Variants in GNAQ observed in about 807,000 individuals in gnomAD.
The protein encoded by GNAQ is G protein subunit alpha q, also known as guanine nucleotide-binding protein G(q) subunit alpha.
GNAQ carries 8 observed loss-of-function variants against 43.9 expected under a neutral mutation model. The observed-to-expected ratio is 0.18, with a 90% CI of 0.11 to 0.33. GNAQ has a LOEUF of 0.33. Ranked by LOEUF, GNAQ falls within the 10% of genes least tolerant of loss-of-function variation. GNAQ has a pLI of 1.00. For missense variants in GNAQ, 158 were observed against 450.8 expected (o/e 0.35, Z 5.88); for synonymous variants, 155 against 170.7 (o/e 0.91, Z 0.71).
chr9:77,731,389 A>G (rs1485658248), intron 5 of GNAQ, among the ~76,000 whole-genome samples: 1 of 152,220 alleles, frequency 6.6e-6, no homozygotes, highest in Non-Finnish European at 1.5e-5. Context: ...GTACTGCTGC[A>G]CTGGGGCTGC....
intron 5 of GNAQ, among the ~76,000 whole-genome samples, chr9:77,759,035 AT>A (rs1825948614): frequency 6.6e-6 from 1 of 152,214 alleles, no homozygotes; most frequent in African/African-American, 2.4e-5. Context: ...TCAATAGAGT[AT>A]TCTTAGGATA....
At chr9:77,933,118 C>T (rs902913551) in intron 1 of GNAQ, among the ~76,000 whole-genome samples, 1 of 152,226 alleles carries the variant, frequency 6.6e-6, no homozygotes, top group Middle Eastern at 3.4e-3. Context: ...TTCACTGCAT[C>T]GACATGGAGA....
Position 77,905,557 on chromosome 9 carries a change from C to G in GNAQ, c.321+16604G>C, listed in dbSNP as rs138638693. On this transcript the variant is annotated intron_variant, in intron 2 of 6. Coordinates refer to ENST00000286548, the MANE Select transcript of GNAQ (RefSeq NM_002072.5). ...TGCAGTGGGGCTGTAATATTTTACACTGTCAGAAAACTGCATGAGATAACT... is the reference window on the plus strand; with the variant it reads ...TGCAGTGGGGCTGTAATATTTTACAGTGTCAGAAAACTGCATGAGATAACT... Among the ~76,000 whole-genome samples, 789 of 152,298 alleles carry G rather than the reference C, an allele frequency of 5.2e-3. 4 individuals carry two copies. The highest frequency in any genetic ancestry group is 8.4e-3 in the Non-Finnish European group (570 of 68,022).
At chr9:77,795,459 T>A (rs180973502) in intron 4 of GNAQ, among the ~76,000 whole-genome samples, 1 of 152,126 alleles carries the variant, frequency 6.6e-6, no homozygotes, top group Non-Finnish European at 1.5e-5. Flanking sequence ...AGGAAAAAAA[T>A]AGTCTCAGAG....
intron 1 of GNAQ, among the ~76,000 whole-genome samples, chr9:77,972,150 C>T (rs771626173): frequency 2.0e-5 from 3 of 150,354 alleles, no homozygotes; most frequent in Admixed American, 6.6e-5. Context: ...AAAATAATAA[C>T]AATTAAAATG....
At chr9:77,770,240 G>C (rs932174270) in intron 5 of GNAQ, among the ~76,000 whole-genome samples, 1 of 152,076 alleles carries the variant, frequency 6.6e-6, no homozygotes, top group East Asian at 1.9e-4. Context: ...GTGGATAAGA[G>C]GAGAAAGAAC....
chr9:77,978,036 C>T (rs1369166321), intron 1 of GNAQ, among the ~76,000 whole-genome samples: 1 of 152,140 alleles, frequency 6.6e-6, no homozygotes, highest in African/African-American at 2.4e-5. Flanking sequence ...CTTCCTTTTT[C>T]TTAAATTATA....
chr9:77,881,295 G>A (rs927843161), intron 2 of GNAQ, among the ~76,000 whole-genome samples: 9 of 152,248 alleles, frequency 5.9e-5, no homozygotes, highest in Admixed American at 3.9e-4. Flanking sequence ...GTTCACTGAC[G>A]TATCCCAAGC....
At chr9:77,785,683 G>C (rs1587915653) in intron 5 of GNAQ, among the ~76,000 whole-genome samples, 1 of 152,120 alleles carries the variant, frequency 6.6e-6, no homozygotes, top group African/African-American at 2.4e-5. Flanking sequence ...AATACTGTCA[G>C]TATCTGACAG....
chr9:77,926,540 C>G (rs1409226832), intron 1 of GNAQ, among the ~76,000 whole-genome samples: 1 of 152,142 alleles, frequency 6.6e-6, no homozygotes, highest in African/African-American at 2.4e-5. Context: ...ACTCTGCTTC[C>G]AAGACCACTG....
intron 4 of GNAQ, among the ~76,000 whole-genome samples, chr9:77,795,968 G>A (rs972003395): frequency 6.6e-6 from 1 of 152,288 alleles, no homozygotes; most frequent in East Asian, 1.9e-4. Flanking sequence ...AAGCAATAAG[G>A]AGATGAAAAT....
intron 5 of GNAQ, among the ~76,000 whole-genome samples, chr9:77,776,816 C>G (rs952347933): frequency 2.7e-4 from 41 of 151,346 alleles, no homozygotes; most frequent in African/African-American, 9.2e-4. Flanking sequence ...CAGTATTCCC[C>G]AAACTGATCT....
chr9:77,923,563 T>C (rs1829028064), intron 1 of GNAQ, among the ~76,000 whole-genome samples: 1 of 152,212 alleles, frequency 6.6e-6, no homozygotes, highest in South Asian at 2.1e-4. Context: ...TATTTTCATG[T>C]GTCCTTTCTC....
At chr9:77,937,567 C>A (rs566284977) in intron 1 of GNAQ, among the ~76,000 whole-genome samples, 1 of 152,214 alleles carries the variant, frequency 6.6e-6, no homozygotes, top group African/African-American at 2.4e-5. Flanking sequence ...AAGGAGTTGT[C>A]AAATACCTAA....
intron 2 of GNAQ, among the ~76,000 whole-genome samples, chr9:77,917,592 A>G (rs968608384): frequency 5.9e-5 from 9 of 152,228 alleles, no homozygotes; most frequent in African/African-American, 2.2e-4. Context: ...TTGTAAACTA[A>G]GAAATGACAC....
intron 2 of GNAQ, among the ~76,000 whole-genome samples, chr9:77,915,390 ACT>A (rs1320193490): frequency 6.6e-6 from 1 of 151,610 alleles, no homozygotes; most frequent in African/African-American, 2.4e-5. Flanking sequence ...CTCTGAAGTG[ACT>A]CTGAGGTTTT....
intron 2 of GNAQ, among the ~76,000 whole-genome samples, chr9:77,921,864 GCTTCT>G (rs1279769071): frequency 6.6e-6 from 1 of 152,062 alleles, no homozygotes; most frequent in Admixed American, 6.6e-5. Flanking sequence ...AACATAATGT[GCTTCT>G]CCAAATTTTA....
intron 5 of GNAQ, among the ~76,000 whole-genome samples, chr9:77,747,137 T>C (rs560606959): frequency 7.9e-5 from 12 of 152,292 alleles, no homozygotes; most frequent in African/African-American, 2.9e-4. Flanking sequence ...GAGTTTTCAC[T>C]CTCTTCTGTA....
At chr9:77,863,184 A>AAGGAAGGAAGG (rs1827884776) in intron 2 of GNAQ, among the ~76,000 whole-genome samples, 1 of 136,660 alleles carries the variant, frequency 7.3e-6, no homozygotes, top group Admixed American at 7.0e-5. Context: ...GAAAGAAAGG[A>AAGGAAGGAAGG]AGGAAGGAAG....
Sources: gnomAD v4.1 joint callset for allele counts (sites outside exome capture counted in the v4.1 genomes callset) on GRCh38, gnomAD v4.1.1 for gene constraint, MANE v1.5 for transcripts, NCBI Gene and HGNC (gene_info 2026-07-23, HGNC 2026-07-21) for gene names.